Variants in TMCO5A observed in about 807,000 individuals in gnomAD.
The protein encoded by TMCO5A is transmembrane and coiled-coil domains 5A.
TMCO5A carries 34 observed loss-of-function variants against 42.3 expected under a neutral mutation model. The ratio of observed to expected loss-of-function variants is 0.80; its 90% CI spans 0.61 to 1.07. TMCO5A has a LOEUF of 1.07. Ranked by LOEUF, TMCO5A falls within the 50% of genes least tolerant of loss-of-function variation. TMCO5A has a pLI of 0.00. For synonymous variants in TMCO5A, 131 were observed against 115.6 expected (o/e 1.13, Z -0.86); for missense variants, 357 against 327.9 (o/e 1.09, Z -0.69).
chr15:38,027,733 G>T, the TMCO5A span, among the ~76,000 whole-genome samples: 1 of 152,158 alleles, frequency 6.6e-6, no homozygotes, highest in South Asian at 2.1e-4. Flanking sequence ...GTAGCAGGTG[G>T]AAATAATTGA....
the TMCO5A span, among the ~76,000 whole-genome samples, chr15:38,024,208 C>A: frequency 6.6e-6 from 1 of 152,166 alleles, no homozygotes; most frequent in African/African-American, 2.4e-5. Flanking sequence ...TGCCACTGAG[C>A]TTCTCCAGGA....
the TMCO5A span, among the ~76,000 whole-genome samples, chr15:38,010,454 CACAG>C: frequency 1.4e-3 from 205 of 146,446 alleles, 7 homozygotes; most frequent in South Asian, 0.035. Context: ...CACACACACA[CACAG>C]GAAGGGGCCA....
chr15:37,957,161 T>G (rs1692728247), intron 11 of TMCO5A, among the ~76,000 whole-genome samples: 1 of 152,144 alleles, frequency 6.6e-6, no homozygotes, highest in Non-Finnish European at 1.5e-5. Flanking sequence ...ACTGGAGGCA[T>G]TCCCTTTGAA....
intron 10 of TMCO5A, among the ~76,000 whole-genome samples, chr15:37,946,115 T>C (rs1373137906): frequency 6.6e-6 from 1 of 152,216 alleles, no homozygotes; most frequent in Non-Finnish European, 1.5e-5. Context: ...TATCATTTAT[T>C]GAATAGGGAG....
At chr15:37,964,443 G>A (rs188609452) in intron 11 of TMCO5A, among the ~76,000 whole-genome samples, 148 of 152,140 alleles carry the variant, frequency 9.7e-4, no homozygotes, top group African/African-American at 3.5e-3. Flanking sequence ...CAGAGGATCT[G>A]TAGGTCCTCT....
the TMCO5A span, among the ~76,000 whole-genome samples, chr15:37,994,253 C>G: frequency 6.6e-6 from 1 of 152,030 alleles, no homozygotes; most frequent in Admixed American, 6.6e-5. Flanking sequence ...GCTCCCAGGC[C>G]TCCATTAGCA....
At chr15:37,962,816 G>A (rs919734107) in intron 11 of TMCO5A, among the ~76,000 whole-genome samples, 6 of 151,964 alleles carry the variant, frequency 3.9e-5, no homozygotes, top group South Asian at 2.1e-4. Context: ...AGATTTTATC[G>A]TTTATATGTG....
downstream of TMCO5A, among the ~76,000 whole-genome samples, chr15:37,954,693 G>A (rs1018955485): frequency 6.6e-6 from 1 of 151,990 alleles, no homozygotes; most frequent in African/African-American, 2.4e-5. Flanking sequence ...ACTACCTTAA[G>A]TAGGAAAACT....
chr15:37,998,705 T>G, the TMCO5A span, among the ~76,000 whole-genome samples: 1 of 151,886 alleles, frequency 6.6e-6, no homozygotes, highest in South Asian at 2.1e-4. Flanking sequence ...CCATATAAAT[T>G]TTAGGATTTT....
At chr15:37,995,597 T>C in the TMCO5A span, among the ~76,000 whole-genome samples, 1 of 152,230 alleles carries the variant, frequency 6.6e-6, no homozygotes, top group Non-Finnish European at 1.5e-5. Context: ...ATGTGCTTTC[T>C]AATTTATGCT....
Position 37,964,578 on chromosome 15 carries a change from T to A in TMCO5A, c.669-2047T>A, listed in dbSNP as rs537680160. ...TAGTCCTGCCTCCCATCCACCATGA[T>A]GACCTGTCCCCACTTTGTGAAAATC... On this transcript the variant is annotated intron_variant, in intron 11 of 11. Transcript: ENST00000559502. 3.9e-5 allele frequency among the ~76,000 whole-genome samples: 6 copies of A among 152,204 alleles called. No homozygotes were observed. The South Asian group carries it at 1.2e-3, about 32-fold the overall frequency.
the TMCO5A span, among the ~76,000 whole-genome samples, chr15:38,031,994 C>T: frequency 2.0e-5 from 3 of 151,070 alleles, no homozygotes; most frequent in Admixed American, 6.6e-5. Flanking sequence ...TTGCTTTCGT[C>T]GCCCAGGCTG....
the TMCO5A span, among the ~76,000 whole-genome samples, chr15:37,979,041 C>A: frequency 6.6e-6 from 1 of 151,816 alleles, no homozygotes; most frequent in East Asian, 1.9e-4. Context: ...CAATCACCTC[C>A]CACCAGGCCC....
At chr15:37,979,665 G>A in the TMCO5A span, among the ~76,000 whole-genome samples, 1 of 152,110 alleles carries the variant, frequency 6.6e-6, no homozygotes, top group Non-Finnish European at 1.5e-5. Context: ...CTTTAAGGCA[G>A]CTGTGCTCGG....
chr15:37,991,247 A>T, the TMCO5A span, among the ~76,000 whole-genome samples: 6 of 152,228 alleles, frequency 3.9e-5, no homozygotes, highest in East Asian at 1.2e-3. Flanking sequence ...GTGCATATGG[A>T]ACATTTCATT....
chr15:37,948,598 T>C (rs115798145), intron 11 of TMCO5A, among the ~76,000 whole-genome samples: 2,494 of 152,174 alleles, frequency 0.016, 77 homozygotes, highest in African/African-American at 0.057. Flanking sequence ...CACAATGGAA[T>C]TGACTGTGTG....
chr15:38,026,982 G>A, the TMCO5A span, among the ~76,000 whole-genome samples: 1 of 152,292 alleles, frequency 6.6e-6, no homozygotes, highest in East Asian at 1.9e-4. Flanking sequence ...GGATGCCCAG[G>A]CAGAAGTTTG....
downstream of TMCO5A, among the ~76,000 whole-genome samples, chr15:37,955,255 T>A (rs1451352037): frequency 9.5e-4 from 101 of 106,174 alleles, no homozygotes; most frequent in Middle Eastern, 4.6e-3. Context: ...ATTTAAAGAG[T>A]AAAAAAAAAA....
At chr15:38,006,706 T>C in the TMCO5A span, among the ~76,000 whole-genome samples, 1 of 152,302 alleles carries the variant, frequency 6.6e-6, no homozygotes, top group South Asian at 2.1e-4. Flanking sequence ...CCCAACTCTA[T>C]GATCTCTTGG....
Sources: gnomAD v4.1 joint callset for allele counts (sites outside exome capture counted in the v4.1 genomes callset) on GRCh38, gnomAD v4.1.1 for gene constraint, MANE v1.5 for transcripts, NCBI Gene and HGNC (gene_info 2026-07-23, HGNC 2026-07-21) for gene names.